Variants in YWHAE observed in about 807,000 individuals in gnomAD.
YWHAE encodes tyrosine 3-monooxygenase/tryptophan 5-monooxygenase activation protein epsilon, also known as 14-3-3 protein epsilon.
YWHAE carries 4 observed loss-of-function variants against 30.1 expected under a neutral mutation model. That is an observed-to-expected ratio of 0.13 (90% CI 0.07 to 0.30). YWHAE has a LOEUF of 0.30. Ranked by LOEUF, YWHAE falls within the 10% of genes least tolerant of loss-of-function variation. The pLI, the probability that YWHAE is intolerant of heterozygous loss-of-function variation, is 1.00. For synonymous variants in YWHAE, 118 were observed against 111.8 expected, an observed-to-expected ratio of 1.06 and a Z score of -0.35; for missense variants, 121 against 315.9, an observed-to-expected ratio of 0.38 and a Z score of 4.68.
At chr17:1,388,557 A>G (rs1221079781) in intron 1 of YWHAE, among the ~76,000 whole-genome samples, 1 of 141,778 alleles carries the variant, frequency 7.1e-6, no homozygotes, top group African/African-American at 2.7e-5. Flanking sequence ...TACAGGCATG[A>G]GCAAACCATG....
chr17:1,371,889 A>C (rs2073048533), intron 1 of YWHAE, among the ~76,000 whole-genome samples: 1 of 144,324 alleles, frequency 6.9e-6, no homozygotes, highest in Non-Finnish European at 1.5e-5. Flanking sequence ...CTCAGGCTGG[A>C]GTGCTGTCAC....
rs759668475 is a variant in YWHAE, at chr17:1,400,034, C to T, written c.64+13G>A. ...TCCGAGAATTCCAGCCCCCCGTTGC[C>T]CCCCCAACTCACCGTCGTATCGCTC... On this transcript the variant is annotated intron_variant, in intron 1 of 5. Coordinates refer to ENST00000264335, the MANE Select transcript of YWHAE (RefSeq NM_006761.5). The T allele has an allele frequency of 3.1e-6, 5 of 1,612,888 alleles. No individual in the cohort carries two copies. Among genetic ancestry groups the T allele is most frequent in the African/African-American group, 2.7e-5 (2 of 74,876 alleles).
At chr17:1,380,152 C>T (rs62087949) in intron 1 of YWHAE, among the ~76,000 whole-genome samples, 11,138 of 148,870 alleles carry the variant, frequency 0.075, 484 homozygotes, top group African/African-American at 0.1. Flanking sequence ...CTCACTCTGT[C>T]GCCCAGGCTG....
chr17:1,351,989 GC>G (rs2072642770), intron 5 of YWHAE: 1 of 148,928 alleles, frequency 6.7e-6, no homozygotes, highest in South Asian at 2.1e-4. Flanking sequence ...TTACTATGTT[GC>G]CCAGGCTGGT....
At chr17:1,396,904 G>A (rs887343349) in intron 1 of YWHAE, among the ~76,000 whole-genome samples, 1 of 150,886 alleles carries the variant, frequency 6.6e-6, no homozygotes, top group Admixed American at 6.6e-5. Context: ...TTACAGGCAT[G>A]AGCCACCGCA....
intron 1 of YWHAE, among the ~76,000 whole-genome samples, chr17:1,382,816 G>A (rs1297197325): frequency 6.6e-6 from 1 of 152,072 alleles, no homozygotes; most frequent in East Asian, 1.9e-4. Flanking sequence ...CTTGAGGTCA[G>A]GAGATCGAGA....
Position 1,400,134 on chromosome 17 carries a change from C to G in YWHAE, c.-24G>C, listed in dbSNP as rs1284178970. On this transcript the variant is annotated 5_prime_UTR_variant, in exon 1 of 6. Transcript: ENST00000264335. ...ATAGCGGCAGCGGCTCCGGCAGGGT[C>G]TGCGCGACGGATGGAAGCGGATAGT... The G allele has an allele frequency of 3.7e-6, 6 of 1,613,932 alleles. No individual in the cohort carries two copies. Among genetic ancestry groups the G allele is most frequent in the Non-Finnish European group, 5.1e-6 (6 of 1,179,910 alleles).
At position 1,400,140 on chromosome 17, in the gene YWHAE, G is replaced by C. The variant is rs903492385; in HGVS notation, c.-30C>G. 1.9e-6 allele frequency: 3 copies of C among 1,613,538 alleles called. No individual in the cohort carries two copies. The highest frequency in any genetic ancestry group is 1.1e-5 in the South Asian group (1 of 91,074). On this transcript the variant is annotated 5_prime_UTR_variant, in exon 1 of 6. Transcript: ENST00000264335. Reference sequence around the variant, plus strand: ...GCAGCGGCTCCGGCAGGGTCTGCGCGACGGATGGAAGCGGATAGTGTCTCC... The same window carrying C: ...GCAGCGGCTCCGGCAGGGTCTGCGCCACGGATGGAAGCGGATAGTGTCTCC...
At chr17:1,379,926 A>G (rs1488882472) in intron 1 of YWHAE, among the ~76,000 whole-genome samples, 1 of 152,216 alleles carries the variant, frequency 6.6e-6, no homozygotes, top group African/African-American at 2.4e-5. Flanking sequence ...GGAAGTACTC[A>G]GAAGCTTTTC....
intron 1 of YWHAE, among the ~76,000 whole-genome samples, chr17:1,388,320 T>TC (rs906232267): frequency 6.7e-6 from 1 of 150,348 alleles, no homozygotes; most frequent in African/African-American, 2.4e-5. Flanking sequence ...ATCAAGACCA[T>TC]CCTGGCTAAC....
intron 1 of YWHAE, among the ~76,000 whole-genome samples, chr17:1,386,304 C>T (rs1188950787): frequency 6.6e-6 from 1 of 152,146 alleles, no homozygotes; most frequent in Non-Finnish European, 1.5e-5. Flanking sequence ...TGATACAGTA[C>T]CCTGCATATA....
intron 1 of YWHAE, among the ~76,000 whole-genome samples, chr17:1,367,908 T>TAAC (rs1344050472): frequency 6.6e-6 from 1 of 152,152 alleles, no homozygotes; most frequent in Non-Finnish European, 1.5e-5. Context: ...GTGGCACGTT[T>TAAC]AACTGTACAC....
At chr17:1,398,623 C>G (rs775156777) in intron 1 of YWHAE, among the ~76,000 whole-genome samples, 1 of 152,108 alleles carries the variant, frequency 6.6e-6, no homozygotes, top group Non-Finnish European at 1.5e-5. Flanking sequence ...TCTCACCCCA[C>G]CCTACCACGC....
chr17:1,362,031 T>A lies in YWHAE; in HGVS notation c.265-23A>T, dbSNP rs3752827. 493,474 of 1,413,312 alleles carry A rather than the reference T, an allele frequency of 0.35. 85,750 individuals carry two copies. The highest frequency in any genetic ancestry group is 0.55 in the Admixed American group (22,958 of 41,454). 87.5% of individuals were successfully genotyped at this position (1,413,312 alleles called of 1,614,324 possible). On this transcript the variant is annotated intron_variant, in intron 2 of 5. Coordinates refer to ENST00000264335, the MANE Select transcript of YWHAE (RefSeq NM_006761.5). ...AACCTAAAAAAAAAAAAATTTTTTT[T>A]AAATCAGATTAAGTCTAGAAATTCT...
chr17:1,355,531 G>A (rs1040791804), intron 4 of YWHAE, among the ~76,000 whole-genome samples: 18 of 151,320 alleles, frequency 1.2e-4, no homozygotes, highest in Admixed American at 9.9e-4. Flanking sequence ...TGGAGGCAGG[G>A]AAGCAAAGAA....
At chr17:1,358,456 G>T (rs2072797466) in intron 4 of YWHAE, among the ~76,000 whole-genome samples, 1 of 151,872 alleles carries the variant, frequency 6.6e-6, no homozygotes, top group Non-Finnish European at 1.5e-5. Context: ...AGCCACGATG[G>T]TCTCGATCTC....
At chr17:1,391,968 A>G (rs62089573) in intron 1 of YWHAE, among the ~76,000 whole-genome samples, 11,489 of 152,042 alleles carry the variant, frequency 0.076, 499 homozygotes, top group African/African-American at 0.11. Context: ...TGTAATCGCA[A>G]AACTTTGGGA....
intron 1 of YWHAE, among the ~76,000 whole-genome samples, chr17:1,385,686 A>C (rs1247493878): frequency 1.3e-5 from 2 of 152,136 alleles, no homozygotes; most frequent in Non-Finnish European, 2.9e-5. Flanking sequence ...CCTGCTCCTG[A>C]ATTTAATGGC....
At chr17:1,358,315 C>T (rs963667214) in intron 4 of YWHAE, among the ~76,000 whole-genome samples, 2 of 152,124 alleles carry the variant, frequency 1.3e-5, no homozygotes, top group African/African-American at 4.8e-5. Context: ...TCTTGGCTCA[C>T]TGCAAGTTCC....
Sources: allele counts gnomAD v4.1 joint callset (sites outside exome capture counted in the v4.1 genomes callset), GRCh38; gene constraint gnomAD v4.1.1; transcripts MANE v1.5; gene names NCBI Gene and HGNC (gene_info 2026-07-23, HGNC 2026-07-21).